Variants in NEGR1 observed in about 807,000 individuals in gnomAD.
The protein encoded by NEGR1 is neuronal growth regulator 1.
In NEGR1, 10 loss-of-function variants were observed where a neutral mutation model predicts 40.9. That is an observed-to-expected ratio of 0.24 (90% confidence interval 0.15 to 0.42). The LOEUF (loss-of-function observed/expected upper bound fraction) is 0.42. Ranked by LOEUF, NEGR1 falls within the 10% of genes least tolerant of loss-of-function variation. NEGR1 has a pLI of 1.00. For missense variants in NEGR1, 352 were observed against 438.9 expected (o/e 0.80, Z 1.77); for synonymous variants, 185 against 166.8 (o/e 1.11, Z -0.84).
At chr1:72,071,135 A>G (rs1248619328) in intron 1 of NEGR1, among the ~76,000 whole-genome samples, 1 of 152,106 alleles carries the variant, frequency 6.6e-6, no homozygotes, top group Non-Finnish European at 1.5e-5. Context: ...AACCACAGGC[A>G]TATCTGAAAA....
chr1:71,435,722 A>G (rs980149396), intron 6 of NEGR1, among the ~76,000 whole-genome samples: 1 of 152,226 alleles, frequency 6.6e-6, no homozygotes, highest in Non-Finnish European at 1.5e-5. Flanking sequence ...GCTGCTGCCC[A>G]TCTTTTGACT....
chr1:72,209,877 G>A (rs2100461256), intron 1 of NEGR1, among the ~76,000 whole-genome samples: 1 of 151,894 alleles, frequency 6.6e-6, no homozygotes, highest in South Asian at 2.1e-4. Context: ...ACACTAAATA[G>A]TAATTATAGC....
At chr1:71,760,983 C>T (rs1655921621) in intron 3 of NEGR1, among the ~76,000 whole-genome samples, 1 of 152,144 alleles carries the variant, frequency 6.6e-6, no homozygotes, top group African/African-American at 2.4e-5. Flanking sequence ...TAGATCCCAG[C>T]AGTGTTCATA....
chr1:71,811,858 ATTTATTTTATTTTATTTTAT>A (rs71074806), intron 2 of NEGR1, among the ~76,000 whole-genome samples: 6 of 137,550 alleles, frequency 4.4e-5, no homozygotes, highest in Admixed American at 7.2e-5. Context: ...AGTTCTATTT[ATTTATTTTATTTTATTTTAT>A]TTTATTTTAT....
chr1:72,036,747 T>G, intron 1 of NEGR1, among the ~76,000 whole-genome samples: 1 of 151,978 alleles, frequency 6.6e-6, no homozygotes, highest in Middle Eastern at 3.4e-3. Flanking sequence ...ATTAAGAAGT[T>G]TTTACTGATC....
chr1:71,571,373 C>A (rs1241204080), intron 6 of NEGR1, among the ~76,000 whole-genome samples: 1 of 152,158 alleles, frequency 6.6e-6, no homozygotes, highest in African/African-American at 2.4e-5. Flanking sequence ...GTCAGATTTA[C>A]CATTTTTAAA....
chr1:71,730,507 A>C (rs1654823360), intron 3 of NEGR1, among the ~76,000 whole-genome samples: 2 of 148,420 alleles, frequency 1.3e-5, no homozygotes, highest in South Asian at 4.2e-4. Flanking sequence ...ATTTTATTGA[A>C]TATATATGTT....
At chr1:72,131,222 T>A (rs1444326801) in intron 1 of NEGR1, among the ~76,000 whole-genome samples, 1 of 152,220 alleles carries the variant, frequency 6.6e-6, no homozygotes, top group Non-Finnish European at 1.5e-5. Flanking sequence ...TAACTTTTAA[T>A]ATATCTGAAA....
intron 4 of NEGR1, among the ~76,000 whole-genome samples, chr1:71,616,342 C>T (rs998664124): frequency 2.4e-4 from 37 of 152,262 alleles, no homozygotes; most frequent in Middle Eastern, 3.4e-3. Context: ...GGAGTGTGAA[C>T]GCTATTGTGA....
chr1:71,824,427 T>C (rs1658544147), intron 2 of NEGR1, among the ~76,000 whole-genome samples: 2 of 151,782 alleles, frequency 1.3e-5, no homozygotes, highest in Non-Finnish European at 1.5e-5. Flanking sequence ...TTAAGAAAAT[T>C]CTATAATGTG....
Position 72,078,620 on chromosome 1 carries a change from C to CATAT in NEGR1, c.177-143313_177-143310dup, listed in dbSNP as rs3080207. Among the ~76,000 whole-genome samples, 1,002 of 135,810 alleles carry CATAT rather than the reference C, an allele frequency of 7.4e-3. 4 individuals carry two copies. The highest frequency in any genetic ancestry group is 0.022 in the Middle Eastern group (6 of 272). The allele number at this position is 135,810 out of a possible 152,430, so 89.1% of individuals were successfully genotyped here. On this transcript the variant is annotated intron_variant, in intron 1 of 6. Transcript: ENST00000357731. Reference sequence around the variant, plus strand: ...ATGTATATTAATTATCATATACACTCATATATATATATATATATTTATTTA... The same window carrying CATAT: ...ATGTATATTAATTATCATATACACTCATATATATATATATATATATATTTATTTA...
chr1:71,689,830 T>C (rs966732111), intron 4 of NEGR1, among the ~76,000 whole-genome samples: 1 of 151,182 alleles, frequency 6.6e-6, no homozygotes, highest in Non-Finnish European at 1.5e-5. Flanking sequence ...TATAATTAAA[T>C]AAATGTAATG....
chr1:71,979,671 T>G (rs977512192), intron 1 of NEGR1, among the ~76,000 whole-genome samples: 19 of 152,102 alleles, frequency 1.2e-4, no homozygotes, highest in Non-Finnish European at 2.6e-4. Context: ...GATGGGAAAC[T>G]AATGGATGAC....
At chr1:71,736,669 A>T (rs1320328863) in intron 3 of NEGR1, among the ~76,000 whole-genome samples, 2 of 152,188 alleles carry the variant, frequency 1.3e-5, no homozygotes, top group African/African-American at 4.8e-5. Flanking sequence ...GAGTCAGAAA[A>T]GTGCTCCTGG....
intron 4 of NEGR1, among the ~76,000 whole-genome samples, chr1:71,622,164 G>A (rs1393504983): frequency 6.6e-6 from 1 of 151,812 alleles, no homozygotes; most frequent in East Asian, 1.9e-4. Flanking sequence ...GAATTAAATG[G>A]TTCACTGTTT....
At chr1:71,909,914 ACT>A (rs1157939920) in intron 2 of NEGR1, among the ~76,000 whole-genome samples, 2 of 152,188 alleles carry the variant, frequency 1.3e-5, no homozygotes, top group African/African-American at 2.4e-5. Context: ...TTATGCATAG[ACT>A]CTATAAATAG....
chr1:72,146,123 G>A (rs538795341), intron 1 of NEGR1, among the ~76,000 whole-genome samples: 2 of 152,144 alleles, frequency 1.3e-5, no homozygotes, highest in East Asian at 1.9e-4. Context: ...GCAAAAGCAC[G>A]TTCTTTCACT....
At chr1:71,640,053 C>G (rs1219953101) in intron 4 of NEGR1, among the ~76,000 whole-genome samples, 1 of 151,998 alleles carries the variant, frequency 6.6e-6, no homozygotes, top group Non-Finnish European at 1.5e-5. Context: ...ATTTTCCTTG[C>G]CACAATTATG....
At chr1:71,521,136 A>T (rs1364031058) in intron 6 of NEGR1, among the ~76,000 whole-genome samples, 1 of 151,908 alleles carries the variant, frequency 6.6e-6, no homozygotes. Context: ...GGGGTCAGAG[A>T]TTTATGTTTT....
Sources: gnomAD v4.1 joint callset for allele counts (sites outside exome capture counted in the v4.1 genomes callset) on GRCh38, gnomAD v4.1.1 for gene constraint, MANE v1.5 for transcripts, NCBI Gene and HGNC (gene_info 2026-07-23, HGNC 2026-07-21) for gene names.